Variants in TMOD1 observed in about 807,000 individuals in gnomAD.
The protein encoded by TMOD1 is tropomodulin-1.
In TMOD1, 17 loss-of-function variants were observed where a neutral mutation model predicts 40.6. That is an observed-to-expected ratio of 0.42 (90% CI 0.29 to 0.63). The LOEUF (loss-of-function observed/expected upper bound fraction) is 0.63, where lower values mean the gene tolerates loss of function less well. Ranked by LOEUF, TMOD1 falls within the 20% of genes least tolerant of loss-of-function variation. The pLI is 0.22. For synonymous variants in TMOD1, 181 were observed against 175.0 expected (o/e 1.03, Z -0.27); for missense variants, 391 against 447.6 (o/e 0.87, Z 1.14).
chr9:97,600,480 G>T lies in TMOD1; in HGVS notation c.*782G>T. 1.0e-6 allele frequency: 1 copy of T among 985,638 alleles called. No individual in the cohort carries two copies. Among genetic ancestry groups the T allele is most frequent in the Non-Finnish European group, 1.2e-6 (1 of 830,112 alleles). 61.1% of individuals were successfully genotyped at this position (985,638 alleles called of 1,614,324 possible). ...TTTCCTTATTGAATGCCAACCTTAT[G>T]ATGGATGTGAAAATCTACGGCCAAA... On this transcript the variant is annotated 3_prime_UTR_variant, in exon 10 of 10. Transcript: ENST00000259365.
chr9:97,511,105 C>G (rs1167687897), intron 1 of TMOD1, among the ~76,000 whole-genome samples: 1 of 152,110 alleles, frequency 6.6e-6, no homozygotes, highest in Non-Finnish European at 1.5e-5. Context: ...CACACACACA[C>G]ACACACAGGC....
In TMOD1 at chr9:97,524,497, G is replaced by GGGGTGT. The variant is rs561183211; in HGVS notation, c.120+190_120+191insGGTGTG. 6.2e-3 allele frequency among the ~76,000 whole-genome samples: 886 copies of GGGGTGT among 143,008 alleles called. 19 individuals carry two copies. Among genetic ancestry groups the GGGGTGT allele is most frequent in the East Asian group, 0.032 (156 of 4,864 alleles). The allele number at this position is 143,008 out of a possible 152,430, so 93.8% of individuals were successfully genotyped here. ...CTCCAGAGAAAGAGAGAACCAATAG[G>GGGGTGT]GTGTGTGTGTGTGTGTGTGTGTGTA... is the stretch of plus-strand genomic sequence containing the variant. On this transcript the variant is annotated intron_variant, in intron 2 of 9. Transcript: ENST00000259365.
chr9:97,598,693 G>T (rs907491741), intron 9 of TMOD1, among the ~76,000 whole-genome samples: 4 of 152,176 alleles, frequency 2.6e-5, no homozygotes, highest in African/African-American at 4.8e-5. Context: ...TGCTTTGTAT[G>T]GCCAGTGTCA....
Position 97,565,300 on chromosome 9 carries a change from T to C in TMOD1, c.619-548T>C, listed in dbSNP as rs540297171. On this transcript the variant is annotated intron_variant, in intron 6 of 9. Transcript: ENST00000259365. ...CCAGGCCTGACCCTAGAGATTCTGA[T>C]TCTATTGTTCTGGGCCGGCCCAAGC... is the stretch of plus-strand genomic sequence containing the variant. 3.3e-5 allele frequency among the ~76,000 whole-genome samples: 5 copies of C among 152,246 alleles called. No homozygotes were observed. In the South Asian group the frequency reaches 8.3e-4, roughly 25 times the overall value.
chr9:97,542,592 C>T (rs559236591), intron 2 of TMOD1, among the ~76,000 whole-genome samples: 7 of 152,092 alleles, frequency 4.6e-5, no homozygotes, highest in Non-Finnish European at 1.0e-4. Flanking sequence ...GAGGCTAATG[C>T]CTATAATTCC....
chr9:97,600,790 GTAT>G lies in TMOD1; in HGVS notation c.*1095_*1097del. On this transcript the variant is annotated 3_prime_UTR_variant, in exon 10 of 10. Coordinates refer to ENST00000259365, the MANE Select transcript of TMOD1 (RefSeq NM_003275.4). Reference sequence around the variant, plus strand: ...CCCAAGATGATTACACTGAAATGTAGTATTAGTACTGCTGCCAGATCTCTTTTT... The same window carrying G: ...CCCAAGATGATTACACTGAAATGTAGTAGTACTGCTGCCAGATCTCTTTTT... 1 of 1,069,282 alleles carries G rather than the reference GTAT, an allele frequency of 9.4e-7. No homozygotes were observed. The highest frequency in any genetic ancestry group is 1.1e-6 in the Non-Finnish European group (1 of 877,960). The allele number at this position is 1,069,282 out of a possible 1,614,324, so 66.2% of individuals were successfully genotyped here.
chr9:97,571,503 T>G (rs1830817670), intron 8 of TMOD1, among the ~76,000 whole-genome samples: 1 of 152,246 alleles, frequency 6.6e-6, no homozygotes, highest in South Asian at 2.1e-4. Context: ...ACTAGGGGAT[T>G]CACATGCTAT....
At chr9:97,525,646 C>T (rs1028453855) in intron 2 of TMOD1, among the ~76,000 whole-genome samples, 2 of 152,184 alleles carry the variant, frequency 1.3e-5, no homozygotes, top group Non-Finnish European at 1.5e-5. Flanking sequence ...CATGGTAATA[C>T]TAAAAAACGC....
In TMOD1 at chr9:97,568,969, G is replaced by A. The variant is rs752165829; in HGVS notation, c.802G>A (p.Gly268Arg). The A allele has an allele frequency of 6.2e-7, 1 of 1,614,192 alleles. No homozygotes were observed. The highest frequency in any genetic ancestry group is 8.5e-7 in the Non-Finnish European group (1 of 1,180,030). ...NVESNFISGA[G>R]ILRLVEALPY... ...GGAATCCAACTTCATTTCTGGAGCT[G>A]GGATTCTGCGCCTGGTAGAAGCCCT... Residue 268 changes from glycine to arginine, a missense_variant, in exon 8 of 10, where the codon GGG (glycine) becomes AGG (arginine). Physicochemically the swap from Gly to Arg is moderately radical, Grantham distance 125 (BLOSUM62 -2). Coordinates refer to ENST00000259365, the MANE Select transcript of TMOD1 (RefSeq NM_003275.4).
intron 1 of TMOD1, among the ~76,000 whole-genome samples, chr9:97,505,689 C>T (rs749227351): frequency 2.6e-5 from 4 of 152,166 alleles, no homozygotes; most frequent in Non-Finnish European, 5.9e-5. Context: ...CTGGACTGTG[C>T]TCCTCATCTA....
Position 97,600,884 on chromosome 9 carries a change from T to C in TMOD1, c.*1186T>C, listed in dbSNP as rs1826241991. 8.8e-7 allele frequency: 1 copy of C among 1,132,954 alleles called. No homozygotes were observed. Among genetic ancestry groups the C allele is most frequent in the Non-Finnish European group, 1.1e-6 (1 of 909,840 alleles). The allele number at this position is 1,132,954 out of a possible 1,614,324, so 70.2% of individuals were successfully genotyped here. A position where few individuals can be genotyped will look rare whatever the true frequency, so the allele number is the denominator to read the frequency against. On this transcript the variant is annotated 3_prime_UTR_variant, in exon 10 of 10. Coordinates refer to ENST00000259365, the MANE Select transcript of TMOD1 (RefSeq NM_003275.4). ...GCCACAATGCCCTTGTGCCTTTTAA[T>C]ATACCACAGTGCCAGTTAAACTAAT...
chr9:97,539,955 G>T, intron 2 of TMOD1, among the ~76,000 whole-genome samples: 1 of 118,142 alleles, frequency 8.5e-6, no homozygotes, highest in Non-Finnish European at 1.6e-5. Flanking sequence ...CTGGGCAACA[G>T]AGTGAGACTC....
intron 8 of TMOD1, among the ~76,000 whole-genome samples, chr9:97,587,972 A>G (rs1231896286): frequency 6.6e-6 from 1 of 152,214 alleles, no homozygotes; most frequent in East Asian, 1.9e-4. Flanking sequence ...CACTGTAAGG[A>G]TCTACCACGT....
rs142121567 is a variant in TMOD1, at chr9:97,565,943, C to T, written c.714C>T (p.Asp238=). ...GCATCGTGGGGACACGGAGTAATGA[C>T]CCCGTGGCGTATGTATGTACCTTTC... The part of the protein sequence containing the change: ...KFSIVGTRSN[D]PVAYALAEML... Residue 238 remains aspartate, a synonymous_variant, in exon 7 of 10, where the codon GAC becomes GAT. Transcript: ENST00000259365. 2.6e-4 allele frequency: 415 copies of T among 1,614,080 alleles called. 6 individuals carry two copies. The East Asian group carries it at 9.0e-3, about 35-fold the overall frequency.
At chr9:97,547,756 T>C (rs1430112210) in intron 3 of TMOD1, among the ~76,000 whole-genome samples, 1 of 152,228 alleles carries the variant, frequency 6.6e-6, no homozygotes, top group Non-Finnish European at 1.5e-5. Context: ...CCTGTGTGTG[T>C]CCTTCAGAGC....
chr9:97,586,819 C>A (rs1825885340), intron 8 of TMOD1, among the ~76,000 whole-genome samples: 1 of 152,226 alleles, frequency 6.6e-6, no homozygotes, highest in Admixed American at 6.5e-5. Flanking sequence ...AACTCCCTGA[C>A]CCCTTGCGCT....
intron 1 of TMOD1, among the ~76,000 whole-genome samples, chr9:97,522,197 G>C (rs1204697376): frequency 6.6e-6 from 1 of 152,236 alleles, no homozygotes; most frequent in Non-Finnish European, 1.5e-5. Context: ...TTGGAGGCTA[G>C]AAGTCTGAGA....
intron 4 of TMOD1, among the ~76,000 whole-genome samples, chr9:97,560,667 T>TTG (rs534467621): frequency 1.5e-3 from 152 of 101,260 alleles, no homozygotes; most frequent in African/African-American, 4.6e-3. Context: ...ATTTTTTGTA[T>TTG]TGTATATATA....
rs570050074 is a variant in TMOD1, at chr9:97,599,711, G to C, written c.*13G>C. 1.2e-6 allele frequency: 2 copies of C among 1,614,012 alleles called. No homozygotes were observed. Among genetic ancestry groups the C allele is most frequent in the Non-Finnish European group, 1.7e-6 (2 of 1,180,030 alleles). Reference sequence around the variant, plus strand: ...GAGTGGTGTCTAGTGTGTGGCGGTGGAGTCCATGCCTTTGAACTGGATGTG... The same window carrying C: ...GAGTGGTGTCTAGTGTGTGGCGGTGCAGTCCATGCCTTTGAACTGGATGTG... On this transcript the variant is annotated 3_prime_UTR_variant, in exon 10 of 10. Coordinates refer to ENST00000259365, the MANE Select transcript of TMOD1 (RefSeq NM_003275.4).
Sources: gnomAD v4.1 joint callset for allele counts (sites outside exome capture counted in the v4.1 genomes callset) on GRCh38, gnomAD v4.1.1 for gene constraint, MANE v1.5 for transcripts, NCBI Gene and HGNC (gene_info 2026-07-23, HGNC 2026-07-21) for gene names.